Variants in CSMD2 observed in about 807,000 individuals in gnomAD.
CSMD2 encodes CUB and Sushi multiple domains 2.
CSMD2 carries 130 observed loss-of-function variants against 398.5 expected under a neutral mutation model. The ratio of observed to expected loss-of-function variants is 0.33; its 90% CI spans 0.28 to 0.38. The LOEUF is 0.38. CSMD2 is among the 10% of genes least tolerant of loss of function. CSMD2 has a pLI of 1.00. For synonymous variants in CSMD2, 1,828 were observed against 1,908.5 expected (o/e 0.96, Z 1.10); for missense variants, 3,829 against 4,764.9 (o/e 0.80, Z 5.78).
chr1:33,911,378 A>C (rs1052050738), intron 5 of CSMD2, among the ~76,000 whole-genome samples: 1 of 152,230 alleles, frequency 6.6e-6, no homozygotes, highest in Non-Finnish European at 1.5e-5. Context: ...TGAGATATCT[A>C]GTTAAACGTC....
Position 33,537,261 on chromosome 1 carries a change from C to T in CSMD2, c.9806-166G>A, listed in dbSNP as rs576715702. On this transcript the variant is annotated intron_variant, in intron 61 of 70. Coordinates refer to ENST00000373381, the MANE Select transcript of CSMD2 (RefSeq NM_001281956.2). This position sits in a 1 kb window ranked among gnomAD's most constrained non-coding sequence, Gnocchi z 4.6. Reference sequence around the variant, plus strand: ...GGCCCTGGCTGTCTATTTGACTCCTCGAAGCACACTAGCTCTGGCTATTTT... The same window carrying T: ...GGCCCTGGCTGTCTATTTGACTCCTTGAAGCACACTAGCTCTGGCTATTTT... 3.0e-4 allele frequency among the ~76,000 whole-genome samples: 46 copies of T among 152,288 alleles called. No homozygotes were observed. The highest frequency in any genetic ancestry group is 1.0e-3 in the African/African-American group (43 of 41,568).
chr1:33,746,961 A>G (rs1270787073), intron 13 of CSMD2, among the ~76,000 whole-genome samples: 1 of 152,226 alleles, frequency 6.6e-6, no homozygotes. Flanking sequence ...GCATGTATTT[A>G]TCTTAGACAT....
intron 3 of CSMD2, among the ~76,000 whole-genome samples, chr1:33,973,423 T>C (rs894988217): frequency 2.6e-5 from 4 of 152,314 alleles, no homozygotes; most frequent in South Asian, 4.1e-4. Flanking sequence ...CATTATTCAC[T>C]CATTCATTCA....
chr1:33,936,754 C>T (rs532110978), intron 3 of CSMD2, among the ~76,000 whole-genome samples: 1 of 152,346 alleles, frequency 6.6e-6, no homozygotes, highest in East Asian at 1.9e-4. Flanking sequence ...CAGCTTCCCC[C>T]TGCCCTCTGC....
intron 5 of CSMD2, among the ~76,000 whole-genome samples, chr1:33,890,324 G>A (rs536849957): frequency 2.9e-4 from 42 of 146,410 alleles, no homozygotes; most frequent in African/African-American, 8.1e-4. Flanking sequence ...TCCGCCTCCC[G>A]GGTGCACACC....
chr1:33,980,638 T>C (rs975015187), intron 3 of CSMD2, among the ~76,000 whole-genome samples: 4 of 152,164 alleles, frequency 2.6e-5, no homozygotes, highest in Non-Finnish European at 5.9e-5. Context: ...CATCCTTCCA[T>C]CCATCTCATA....
At chr1:33,540,056 G>C (rs1441450763) in intron 60 of CSMD2, among the ~76,000 whole-genome samples, 3 of 152,184 alleles carry the variant, frequency 2.0e-5, no homozygotes, top group Non-Finnish European at 2.9e-5. Context: ...GGGGATCTCA[G>C]TAAAGAGTAA....
chr1:34,088,876 TG>T, intron 2 of CSMD2, 100 bp downstream of exon 2: 1 of 947,368 alleles, frequency 1.1e-6, no homozygotes, highest in African/African-American at 1.6e-5. Flanking sequence ...CAGTGGTCTT[TG>T]TTGATGACCA....
rs533011109 is a variant in CSMD2 at position 33,716,115 on chromosome 1, T to C, written c.3217+171A>G. ...TCCTTCCAAGACCATTATAGGTAAG[T>C]TCTTACTTGGGTCTAACCCAAGCAT... On this transcript the variant is annotated intron_variant, in intron 20 of 70. Transcript: ENST00000373381. 2.0e-5 allele frequency among the ~76,000 whole-genome samples: 3 copies of C among 152,316 alleles called. No homozygotes were observed. In the East Asian group the frequency reaches 5.8e-4, roughly 29 times the overall value.
At position 33,716,393 on chromosome 1, in the gene CSMD2, C is replaced by T. The variant is rs556756742; in HGVS notation, c.3110G>A (p.Arg1037Gln). ...CCCAGCGCTGATGGGAGCTGGCAGC[C>T]GAGATCCAGTTAGCTGCCTCAGGGG... ...TQPLRQLTGS[R>Q]LPAPISAGLY... The change falls in exon 20 of 71, where the codon CGG becomes CAG. Residue 1037 changes from arginine (R) to glutamine (Q), a missense_variant. Physicochemically the swap from Arg to Gln is conservative, Grantham distance 43. Around this residue, in one of 5 missense-constraint regions of CSMD2, gnomAD observed 2,001 missense variants for 2,567.1 expected, o/e 0.78. Coordinates refer to ENST00000373381, the MANE Select transcript of CSMD2 (RefSeq NM_001281956.2). The T allele has an allele frequency of 1.5e-5, 25 of 1,614,058 alleles. No homozygotes were observed. Among genetic ancestry groups the T allele is most frequent in the South Asian group, 4.4e-5 (4 of 91,068 alleles).
intron 3 of CSMD2, among the ~76,000 whole-genome samples, chr1:33,972,477 G>A (rs473450): frequency 0.52 from 79,092 of 151,918 alleles, 21,427 homozygotes; most frequent in African/African-American, 0.67. Flanking sequence ...TAAGGATGAG[G>A]TGGGGAGGTC....
chr1:33,726,415 G>C, intron 16 of CSMD2, 132 bp downstream of exon 16: 1 of 1,073,254 alleles, frequency 9.3e-7, no homozygotes, highest in Non-Finnish European at 1.3e-6. Flanking sequence ...AGGGCAATTT[G>C]GTCCAGTGTT....
intron 10 of CSMD2, among the ~76,000 whole-genome samples, chr1:33,802,778 C>G (rs1346247656): frequency 6.6e-6 from 1 of 152,178 alleles, no homozygotes; most frequent in Non-Finnish European, 1.5e-5. Context: ...CCCTCTCACT[C>G]CAGAATCTCC....
intron 41 of CSMD2, among the ~76,000 whole-genome samples, chr1:33,610,002 GC>G (rs1640887979): frequency 6.6e-6 from 1 of 152,130 alleles, no homozygotes; most frequent in African/African-American, 2.4e-5. Context: ...GAGCTCTTTT[GC>G]CCCTTCCACC....
rs763501994 is a variant in CSMD2 at position 33,577,403 on chromosome 1, T to C, written c.7469A>G (p.His2490Arg). Residue 2490 changes from histidine (H) to arginine (R), a missense_variant, in exon 49 of 71, where the codon CAC becomes CGC. Physicochemically the swap from His to Arg is conservative, Grantham distance 29 (BLOSUM62 0). Around this residue, in one of 5 missense-constraint regions of CSMD2, gnomAD observed 723 missense variants for 758.6 expected, o/e 0.95. Coordinates refer to ENST00000373381, the MANE Select transcript of CSMD2 (RefSeq NM_001281956.2). Reference sequence around the variant, plus strand: ...GCGGTAGCCGGCGTTGCAGCCAAAGTGGATGGAGCCCCCGGGCTGGGTGCT... The same window carrying C: ...GCGGTAGCCGGCGTTGCAGCCAAAGCGGATGGAGCCCCCGGGCTGGGTGCT... ...QTSTQPGGSIHFGCNAGYRLV... is the reference protein window; with the variant it reads ...QTSTQPGGSIRFGCNAGYRLV... 3 of 1,614,062 alleles carry C rather than the reference T, an allele frequency of 1.9e-6. No individual in the cohort carries two copies. In the Admixed American group the frequency reaches 5.0e-5, roughly 27 times the overall value.
intron 1 of CSMD2, among the ~76,000 whole-genome samples, chr1:34,156,782 A>G (rs1640848382): frequency 6.6e-6 from 1 of 152,178 alleles, no homozygotes. Context: ...TATTTTTAGC[A>G]TCATAAAAGT....
intron 32 of CSMD2, among the ~76,000 whole-genome samples, chr1:33,627,445 G>C (rs1399244307): frequency 6.6e-6 from 1 of 152,130 alleles, no homozygotes; most frequent in Admixed American, 6.5e-5. Context: ...CTGCCCCCCT[G>C]CAGCCTCAGG....
At chr1:33,953,895 G>A (rs567116811) in intron 3 of CSMD2, among the ~76,000 whole-genome samples, 59 of 152,198 alleles carry the variant, frequency 3.9e-4, no homozygotes, top group African/African-American at 1.4e-3. Context: ...CATGGATAAG[G>A]GTACAAGCCC....
intron 3 of CSMD2, among the ~76,000 whole-genome samples, chr1:34,000,262 G>A (rs1328175522): frequency 2.0e-5 from 3 of 152,098 alleles, no homozygotes; most frequent in Admixed American, 2.0e-4. Context: ...AGCCATGGGA[G>A]TGTCCCGCGG....
Sources: allele counts gnomAD v4.1 joint callset (sites outside exome capture counted in the v4.1 genomes callset), GRCh38; gene constraint gnomAD v4.1.1; regional missense constraint gnomAD v4.1.1; non-coding constraint Gnocchi (gnomAD v3.1); transcripts MANE v1.5; gene names NCBI Gene and HGNC (gene_info 2026-07-23, HGNC 2026-07-21).